The following GNAI2 variants were observed in gnomAD, a reference collection of about 807,000 sequenced individuals.
The protein encoded by GNAI2 is G protein subunit alpha i2, also known as guanine nucleotide-binding protein G(i) subunit alpha-2.
A neutral mutation model predicts 36.8 loss-of-function variants in GNAI2; 4 were observed. That is an observed-to-expected ratio of 0.11 (90% CI 0.05 to 0.25). The LOEUF is 0.25. GNAI2 is among the 10% of genes least tolerant of loss of function. The pLI is 1.00. For missense variants in GNAI2, 230 were observed against 481.3 expected (o/e 0.48, Z 4.89); for synonymous variants, 194 against 194.1 (o/e 1.00, Z 0.01).
chr3:50,236,171 TCG>T (rs1700161034), upstream of GNAI2: 1 of 1,166,416 alleles, frequency 8.6e-7, no homozygotes. This position sits in a 1 kb window ranked among gnomAD's most constrained non-coding sequence, Gnocchi z 4.0. Flanking sequence ...CGCCCCGCCG[TCG>T]GTGCGCGGCG....
At position 50,257,098 on chromosome 3, in the gene GNAI2, GA is replaced by G. The variant is rs781783041; in HGVS notation, c.877+9del. 1.9e-6 allele frequency: 3 copies of G among 1,612,228 alleles called. 1 individual carries two copies. Among genetic ancestry groups the G allele is most frequent in the Non-Finnish European group, 2.5e-6 (3 of 1,178,830 alleles). On this transcript the variant is annotated intron_variant, in intron 7 of 8. Transcript: ENST00000313601. ...GCTTCCCTGAGTACACAGGTGTGGG[GA>G]CTGTGGGGATAGGGCCTCCAGAGGG...
chr3:50,227,227 T>C (rs954656035), upstream of GNAI2: 6 of 1,308,200 alleles, frequency 4.6e-6, no homozygotes, highest in Non-Finnish European at 6.0e-6. The surrounding 1 kb of genome is among the most constrained non-coding windows in gnomAD (Gnocchi z 5.9). Context: ...GAGGAGACCC[T>C]GGCGAGGTGG....
chr3:50,235,855 A>G (rs587631679), upstream of GNAI2: 11 of 151,828 alleles, frequency 7.2e-5, no homozygotes, highest in African/African-American at 2.4e-4. Flanking sequence ...CCGGATCCCC[A>G]CCCTCGGGTT....
At chr3:50,232,163 C>G (rs1331652984), upstream of GNAI2, among the ~76,000 whole-genome samples, 1 of 152,076 alleles carries the variant, frequency 6.6e-6, no homozygotes, top group African/African-American at 2.4e-5. Context: ...AACCCCATCT[C>G]TACTAAAAAT....
At chr3:50,240,918 C>CAAAAAAAAA (rs11302773) in intron 1 of GNAI2, among the ~76,000 whole-genome samples, 6 of 86,722 alleles carry the variant, frequency 6.9e-5, no homozygotes, top group Admixed American at 1.1e-4. Flanking sequence ...GACTCTGTCT[C>CAAAAAAAAA]AAAAAAAAAA....
intron 8 of GNAI2, 33 bp downstream of exon 8, chr3:50,257,747 G>C: frequency 1.0e-6 from 1 of 1,002,344 alleles, no homozygotes; most frequent in Non-Finnish European, 1.3e-6. Context: ...GGGTGCTGGG[G>C]AAGAACTAAG....
In GNAI2 at chr3:50,252,271, G is replaced by A. The variant is rs1700578316; in HGVS notation, c.162-126G>A. On this transcript the variant is annotated intron_variant, in intron 2 of 8. Transcript: ENST00000313601. This position sits in a 1 kb window ranked among gnomAD's most constrained non-coding sequence, Gnocchi z 4.1. ...CCCAGAATCTTCTGAGAAGCAGAAG[G>A]ACCCTCAGGTCCCAGTGGGTCAGGG... 7.2e-7 allele frequency: 1 copy of A among 1,387,092 alleles called. No individual in the cohort carries two copies. The highest frequency in any genetic ancestry group is 1.0e-6 in the Non-Finnish European group (1 of 983,386). The allele number at this position is 1,387,092 out of a possible 1,614,324, so 85.9% of individuals were successfully genotyped here. A position where few individuals can be genotyped will look rare whatever the true frequency, so the allele number is the denominator to read the frequency against.
At position 50,252,129 on chromosome 3, in the gene GNAI2, G is replaced by A. The variant is rs1191422423; in HGVS notation, c.148G>A (p.Val50Ile). The change falls in exon 2 of 9, where the codon GTC becomes ATC. Residue 50 changes from valine (V) to isoleucine (I), a missense_variant. Val to Ile is a conservative substitution (Grantham distance 29, BLOSUM62 3). This residue lies in a region of GNAI2 where 132 missense variants were observed against 247.4 expected (regional missense o/e 0.53). Coordinates refer to ENST00000313601, the MANE Select transcript of GNAI2 (RefSeq NM_002070.4). This position sits in a 1 kb window ranked among gnomAD's most constrained non-coding sequence, Gnocchi z 4.1. Reference sequence around the variant, plus strand: ...TGGGGAGTCAGGGAAGAGCACCATCGTCAAGCAGATGAAGTAAGTGCTGTA... The same window carrying A: ...TGGGGAGTCAGGGAAGAGCACCATCATCAAGCAGATGAAGTAAGTGCTGTA... ...GAGESGKSTI[V>I]KQMKIIHEDG... 5 of 1,613,840 alleles carry A rather than the reference G, an allele frequency of 3.1e-6. No homozygotes were observed. The highest frequency in any genetic ancestry group is 4.2e-6 in the Non-Finnish European group (5 of 1,179,854).
chr3:50,228,016 T>G (rs1247405781), upstream of GNAI2, among the ~76,000 whole-genome samples: 1 of 152,116 alleles, frequency 6.6e-6, no homozygotes, highest in Non-Finnish European at 1.5e-5. Flanking sequence ...CCACGCCCAT[T>G]TGGAGGGAAG....
chr3:50,244,201 G>A (rs1553701461), intron 1 of GNAI2, among the ~76,000 whole-genome samples: 1 of 151,880 alleles, frequency 6.6e-6, no homozygotes, highest in Non-Finnish European at 1.5e-5. Flanking sequence ...ACTAATTTTT[G>A]TATTTTTAAT....
chr3:50,246,594 G>T lies in GNAI2; in HGVS notation c.119-5506G>T, dbSNP rs781853349. 2.6e-5 allele frequency among the ~76,000 whole-genome samples: 4 copies of T among 152,238 alleles called. No homozygotes were observed. In the South Asian group the frequency reaches 6.2e-4, roughly 24 times the overall value. Reference sequence around the variant, plus strand: ...CAGTGTGGGCGGGCCTGGTGTTGTGGGTTTGAGCTGGGCCGCTGCCCAAGT... The same window carrying T: ...CAGTGTGGGCGGGCCTGGTGTTGTGTGTTTGAGCTGGGCCGCTGCCCAAGT... On this transcript the variant is annotated intron_variant, in intron 1 of 8. Transcript: ENST00000313601.
chr3:50,232,681 G>A (rs1700089491), upstream of GNAI2, among the ~76,000 whole-genome samples: 1 of 152,206 alleles, frequency 6.6e-6, no homozygotes, highest in South Asian at 2.1e-4. Context: ...CCGAGCAAGG[G>A]GGTGATGTGA....
In GNAI2 at chr3:50,242,885, G is replaced by T. The variant is rs1396980907; in HGVS notation, c.118+6432G>T. On this transcript the variant is annotated intron_variant, in intron 1 of 8. Coordinates refer to ENST00000313601, the MANE Select transcript of GNAI2 (RefSeq NM_002070.4). The surrounding 1 kb of genome is among the most constrained non-coding windows in gnomAD (Gnocchi z 4.8). ...GACAGCCTCAGGATATGCAAAGGAG[G>T]TGATGGCAGCACCTACTGTGTGTGC... Among the ~76,000 whole-genome samples, 2 of 152,200 alleles carry T rather than the reference G, an allele frequency of 1.3e-5. No homozygotes were observed. Among genetic ancestry groups the T allele is most frequent in the Admixed American group, 6.5e-5 (1 of 15,282 alleles).
In GNAI2 at chr3:50,238,833, C is replaced by T. The variant is rs1268290266; in HGVS notation, c.118+2380C>T. On this transcript the variant is annotated intron_variant, in intron 1 of 8. Coordinates refer to ENST00000313601, the MANE Select transcript of GNAI2 (RefSeq NM_002070.4). The surrounding 1 kb of genome is among the most constrained non-coding windows in gnomAD (Gnocchi z 5.0). Reference sequence around the variant, plus strand: ...AGTTCTGGGCGCCTGTCCCATGTAGCGGGAGACTTTGTCCAGGCAACGGGA... The same window carrying T: ...AGTTCTGGGCGCCTGTCCCATGTAGTGGGAGACTTTGTCCAGGCAACGGGA... Among the ~76,000 whole-genome samples, 2 of 152,242 alleles carry T rather than the reference C, an allele frequency of 1.3e-5. No homozygotes were observed. The highest frequency in any genetic ancestry group is 2.9e-5 in the Non-Finnish European group (2 of 68,044).
intron 1 of GNAI2, among the ~76,000 whole-genome samples, chr3:50,237,206 TTGGAGAGGGCCTAGGCTGCCTTA>T (rs1260165661): frequency 6.6e-6 from 1 of 152,150 alleles, no homozygotes; most frequent in East Asian, 1.9e-4. Context: ...GAGCCCTGGG[TTGGAGAGGGCCTAGGCTGCCTTA>T]TGCAGAACCC....
chr3:50,236,009 C>G (rs1700156619), upstream of GNAI2: 1 of 195,798 alleles, frequency 5.1e-6, no homozygotes, highest in Non-Finnish European at 9.7e-6. The surrounding 1 kb of genome is among the most constrained non-coding windows in gnomAD (Gnocchi z 4.0). Flanking sequence ...CGTGGCCCCG[C>G]CTGCAGCCCA....
upstream of GNAI2, among the ~76,000 whole-genome samples, chr3:50,234,229 C>T (rs925793854): frequency 4.0e-5 from 6 of 151,116 alleles, no homozygotes; most frequent in Non-Finnish European, 7.4e-5. Context: ...ACCACGCCGG[C>T]TAATTTTTTG....
At chr3:50,230,696 C>T, upstream of GNAI2, 1 of 489,936 alleles carries the variant, frequency 2.0e-6, no homozygotes, top group Non-Finnish European at 2.7e-6. Flanking sequence ...GAACCAGCAG[C>T]TGCCACTTCT....
In GNAI2 at chr3:50,256,176, C is replaced by G; in HGVS notation, c.465-16C>G. The stretch of plus-strand genomic sequence containing the variant: ...CCATGCTGGCCCCCACTGACCCTCC[C>G]ACCCCCCATCCCCAGCTACCTGAAC... On this transcript the variant is annotated splice_polypyrimidine_tract_variant and intron_variant, in intron 4 of 8. Transcript: ENST00000313601. 1 of 1,399,392 alleles carries G rather than the reference C, an allele frequency of 7.1e-7. No individual in the cohort carries two copies. Among genetic ancestry groups the G allele is most frequent in the Non-Finnish European group, 1.0e-6 (1 of 1,002,390 alleles). 86.7% of individuals were successfully genotyped at this position (1,399,392 alleles called of 1,614,324 possible). A position where few individuals can be genotyped will look rare whatever the true frequency, so the allele number is the denominator to read the frequency against.
Sources: gnomAD v4.1 joint callset for allele counts (sites outside exome capture counted in the v4.1 genomes callset) on GRCh38, gnomAD v4.1.1 for gene constraint, gnomAD v4.1.1 regional missense constraint, Gnocchi (gnomAD v3.1) non-coding constraint, MANE v1.5 for transcripts, NCBI Gene and HGNC (gene_info 2026-07-23, HGNC 2026-07-21) for gene names.